Variants in MYO9A observed in about 807,000 individuals in gnomAD.
MYO9A encodes myosin IXA, also known as unconventional myosin-IXa.
Under a neutral mutation model 293.3 loss-of-function variants are expected in MYO9A, and 103 were observed. The ratio of observed to expected loss-of-function variants is 0.35; its 90% CI spans 0.30 to 0.41. The LOEUF is 0.41. Ranked by LOEUF, MYO9A falls within the 10% of genes least tolerant of loss-of-function variation. The pLI is 1.00. For synonymous variants in MYO9A, 1,001 were observed against 1,035.7 expected, an observed-to-expected ratio of 0.97 and a Z score of 0.64; for missense variants, 2,685 against 3,033.0, an observed-to-expected ratio of 0.89 and a Z score of 2.69.
intron 23 of MYO9A, among the ~76,000 whole-genome samples, chr15:71,900,496 T>G (rs552097258): frequency 1.3e-5 from 2 of 152,200 alleles, no homozygotes; most frequent in South Asian, 4.1e-4. Context: ...CTGAAAAAGA[T>G]AAATAGAAAA....
At chr15:72,000,052 A>C in intron 8 of MYO9A, 112 bp from the exon 9 acceptor site, 1 of 762,246 alleles carries the variant, frequency 1.3e-6, no homozygotes, top group Non-Finnish European at 2.0e-6. Context: ...GCAATTACAT[A>C]GCAGAGAAAA....
intron 1 of MYO9A, among the ~76,000 whole-genome samples, chr15:72,051,204 G>GT (rs1478626038): frequency 6.6e-6 from 1 of 152,160 alleles, no homozygotes; most frequent in Non-Finnish European, 1.5e-5. Context: ...AGCTGGGACT[G>GT]TAAGTGCATG....
intron 2 of MYO9A, chr15:72,041,346 G>A (rs929572754): frequency 5.7e-5 from 32 of 557,770 alleles, no homozygotes; most frequent in African/African-American, 3.6e-4. Flanking sequence ...AGCTTCTGTC[G>A]GCAGGGAAAG....
At chr15:71,907,213 G>A (rs951488162) in intron 19 of MYO9A, among the ~76,000 whole-genome samples, 8 of 150,802 alleles carry the variant, frequency 5.3e-5, no homozygotes, top group Non-Finnish European at 1.0e-4. Flanking sequence ...TTGTTTTTGC[G>A]ATAGTTTACT....
intron 1 of MYO9A, among the ~76,000 whole-genome samples, chr15:72,053,720 G>A (rs2078638324): frequency 6.6e-6 from 1 of 152,090 alleles, no homozygotes; most frequent in Non-Finnish European, 1.5e-5. Context: ...CTTATTACCT[G>A]GGTAACAAAA....
At position 72,083,861 on chromosome 15, in the gene MYO9A, G is replaced by C. The variant is rs560277481; in HGVS notation, c.-72+33819C>G. 2.6e-5 allele frequency among the ~76,000 whole-genome samples: 4 copies of C among 152,348 alleles called. No individual in the cohort carries two copies. In the South Asian group the frequency reaches 8.3e-4, roughly 32 times the overall value. On this transcript the variant is annotated intron_variant, in intron 1 of 41. Transcript: ENST00000356056. ...AATTTTATTGCACTGTGGCCCAAGA[G>C]AGTGGTTGTTACGACTTCAGTTCTT...
At chr15:72,048,003 C>T (rs753153975) in intron 1 of MYO9A, among the ~76,000 whole-genome samples, 1 of 151,618 alleles carries the variant, frequency 6.6e-6, no homozygotes, top group African/African-American at 2.4e-5. Flanking sequence ...TCCTCTCATA[C>T]TACTACATAT....
intron 18 of MYO9A, among the ~76,000 whole-genome samples, chr15:71,925,350 C>CG (rs1217652885): frequency 6.9e-6 from 1 of 144,250 alleles, no homozygotes; most frequent in Non-Finnish European, 1.5e-5. Context: ...TACATATATA[C>CG]TTACATGTAT....
chr15:72,043,391 T>C (rs1242773348), intron 2 of MYO9A, among the ~76,000 whole-genome samples: 3 of 152,154 alleles, frequency 2.0e-5, no homozygotes, highest in African/African-American at 4.8e-5. Flanking sequence ...AAAATGCATA[T>C]GTCTACATAA....
chr15:72,019,925 T>G (rs533163340), intron 5 of MYO9A, among the ~76,000 whole-genome samples: 8 of 152,124 alleles, frequency 5.3e-5, no homozygotes, highest in Non-Finnish European at 5.9e-5. Context: ...AATTTTTTTG[T>G]GTTTTTAGCA....
At chr15:71,977,456 C>T (rs935312878) in intron 12 of MYO9A, among the ~76,000 whole-genome samples, 1 of 152,068 alleles carries the variant, frequency 6.6e-6, no homozygotes, top group African/African-American at 2.4e-5. Flanking sequence ...AGGCTGGTCT[C>T]GAACTCCTGG....
chr15:72,028,191 T>C (rs1032291513), intron 3 of MYO9A, among the ~76,000 whole-genome samples: 6 of 135,652 alleles, frequency 4.4e-5, no homozygotes, highest in Admixed American at 2.4e-4. Flanking sequence ...AGTGAGAATC[T>C]GTCTCAAAAA....
At chr15:71,992,936 A>G (rs1016096537) in intron 10 of MYO9A, among the ~76,000 whole-genome samples, 1 of 152,092 alleles carries the variant, frequency 6.6e-6, no homozygotes, top group African/African-American at 2.4e-5. Flanking sequence ...CAAAAAAATT[A>G]CAACATAAAA....
chr15:72,110,157 C>G (rs1052809173), intron 1 of MYO9A, among the ~76,000 whole-genome samples: 1 of 150,730 alleles, frequency 6.6e-6, no homozygotes, highest in East Asian at 2.0e-4. Flanking sequence ...AATTCCAGGC[C>G]GGGTGTGGTG....
intron 24 of MYO9A, 35 bp from the exon 25 acceptor site, chr15:71,899,067 A>T (rs749918656): frequency 1.4e-6 from 2 of 1,480,214 alleles, no homozygotes; most frequent in Non-Finnish European, 1.8e-6. Flanking sequence ...TTATAGAAAT[A>T]TCTTAGTTAC....
At chr15:71,987,139 T>C (rs1229848464) in intron 11 of MYO9A, among the ~76,000 whole-genome samples, 3 of 152,206 alleles carry the variant, frequency 2.0e-5, no homozygotes, top group Non-Finnish European at 4.4e-5. Flanking sequence ...CTAGGAGCAA[T>C]AGGCTATATC....
chr15:71,938,932 C>A lies in MYO9A; in HGVS notation c.2303-5G>T. 3 of 1,596,788 alleles carry A rather than the reference C, an allele frequency of 1.9e-6. No homozygotes were observed. The highest frequency in any genetic ancestry group is 2.3e-5 in the East Asian group (1 of 44,016). On this transcript the variant is annotated splice_polypyrimidine_tract_variant and splice_region_variant and intron_variant, in intron 15 of 41. Transcript: ENST00000356056. ...TGGGATTTTTCCGGGTTATACCTAG[C>A]AAAATTTAAAAAACAGAAAATTTCA...
intron 18 of MYO9A, among the ~76,000 whole-genome samples, chr15:71,920,080 A>G (rs554805320): frequency 6.6e-6 from 1 of 152,322 alleles, no homozygotes; most frequent in South Asian, 2.1e-4. Context: ...TGAAAAAAAG[A>G]TAAAATAGGA....
At chr15:72,117,495 T>C (rs911333105) in intron 1 of MYO9A, among the ~76,000 whole-genome samples, 185 bp downstream of exon 1, 5 of 151,090 alleles carry the variant, frequency 3.3e-5, no homozygotes, top group African/African-American at 7.3e-5. Flanking sequence ...CAATGGAAGA[T>C]ACAGGGGGTG....
Sources: allele counts gnomAD v4.1 joint callset (sites outside exome capture counted in the v4.1 genomes callset), GRCh38; gene constraint gnomAD v4.1.1; transcripts MANE v1.5; gene names NCBI Gene and HGNC (gene_info 2026-07-23, HGNC 2026-07-21).